Variants in NXPH1 observed in about 807,000 individuals in gnomAD.
The protein encoded by NXPH1 is neurexophilin 1.
NXPH1 carries 5 observed loss-of-function variants against 23.7 expected under a neutral mutation model. The observed-to-expected ratio is 0.21, with a 90% confidence interval of 0.11 to 0.44. NXPH1 has a LOEUF of 0.44. Ranked by LOEUF, NXPH1 falls within the 20% of genes least tolerant of loss-of-function variation. The pLI, the probability that NXPH1 is intolerant of heterozygous loss-of-function variation, is 0.99. For missense variants in NXPH1, 324 were observed against 321.6 expected (o/e 1.01, Z -0.06); for synonymous variants, 144 against 122.2 (o/e 1.18, Z -1.18).
intron 2 of NXPH1, among the ~76,000 whole-genome samples, chr7:8,651,896 G>T (rs1485626483): frequency 6.6e-6 from 1 of 152,094 alleles, no homozygotes; most frequent in Admixed American, 6.6e-5. Flanking sequence ...ATTAATTTTC[G>T]AGAACAAGTA....
At chr7:8,454,894 T>C (rs1816567590) in intron 2 of NXPH1, among the ~76,000 whole-genome samples, 1 of 152,178 alleles carries the variant, frequency 6.6e-6, no homozygotes, top group South Asian at 2.1e-4. Flanking sequence ...ATTATATATA[T>C]GTGCTCATAG....
intron 2 of NXPH1, among the ~76,000 whole-genome samples, chr7:8,639,245 T>C (rs1232256678): frequency 6.6e-6 from 1 of 152,200 alleles, no homozygotes; most frequent in Non-Finnish European, 1.5e-5. Context: ...CAGATCTGTC[T>C]AGAACTATTT....
chr7:8,722,460 G>T (rs1330560155), intron 2 of NXPH1, among the ~76,000 whole-genome samples: 3 of 152,272 alleles, frequency 2.0e-5, no homozygotes, highest in South Asian at 4.1e-4. Flanking sequence ...TCACTGTTCA[G>T]ATAAAAGCCT....
In NXPH1 at chr7:8,442,420, T is replaced by A. The variant is rs908258834; in HGVS notation, c.54+6653T>A. Among the ~76,000 whole-genome samples, 2 of 152,174 alleles carry A rather than the reference T, an allele frequency of 1.3e-5. No homozygotes were observed. The highest frequency in any genetic ancestry group is 4.8e-5 in the African/African-American group (2 of 41,448). On this transcript the variant is annotated intron_variant, in intron 2 of 2. Coordinates refer to ENST00000405863, the MANE Select transcript of NXPH1 (RefSeq NM_152745.3). This position sits in a 1 kb window ranked among gnomAD's most constrained non-coding sequence, Gnocchi z 4.6. ...TCACCCCCGCCGCCCTAATGGATTC[T>A]GAAGCGAAGGATCCTAGCTGCCGCG...
intron 2 of NXPH1, among the ~76,000 whole-genome samples, chr7:8,701,280 T>C (rs1342986597): frequency 6.6e-6 from 1 of 152,028 alleles, no homozygotes; most frequent in Non-Finnish European, 1.5e-5. Context: ...ATCATTTTTC[T>C]CCCATGTTAA....
intron 2 of NXPH1, among the ~76,000 whole-genome samples, chr7:8,696,734 G>A (rs1274367776): frequency 6.6e-6 from 1 of 151,648 alleles, no homozygotes; most frequent in Non-Finnish European, 1.5e-5. Context: ...CCAGCTACTC[G>A]GGAGGCTGAG....
intron 2 of NXPH1, among the ~76,000 whole-genome samples, chr7:8,500,254 C>T (rs1395629399): frequency 6.6e-6 from 1 of 152,060 alleles, no homozygotes; most frequent in Non-Finnish European, 1.5e-5. Flanking sequence ...TCAGCAGCAT[C>T]AATTACCTTT....
intron 2 of NXPH1, among the ~76,000 whole-genome samples, chr7:8,573,083 C>T (rs1818680977): frequency 6.6e-6 from 1 of 150,970 alleles, no homozygotes; most frequent in Non-Finnish European, 1.5e-5. Context: ...CAGTCTTTCT[C>T]TGAGTTTTTT....
intron 2 of NXPH1, among the ~76,000 whole-genome samples, chr7:8,749,206 T>C (rs1377010978): frequency 2.6e-5 from 4 of 152,226 alleles, no homozygotes; most frequent in African/African-American, 9.6e-5. Flanking sequence ...CCTTTCCAAA[T>C]GCCAGCCACT....
At chr7:8,730,700 C>A (rs947178978) in intron 2 of NXPH1, among the ~76,000 whole-genome samples, 12 of 152,196 alleles carry the variant, frequency 7.9e-5, no homozygotes, top group Non-Finnish European at 1.8e-4. Flanking sequence ...GAGTTTCTGC[C>A]GAGAGATCCG....
intron 2 of NXPH1, among the ~76,000 whole-genome samples, chr7:8,484,379 A>C (rs983005484): frequency 1.1e-4 from 17 of 152,122 alleles, no homozygotes; most frequent in African/African-American, 4.1e-4. Context: ...GGTCTACACC[A>C]TCAAGCAGGA....
At chr7:8,535,751 G>A (rs1197435123) in intron 2 of NXPH1, among the ~76,000 whole-genome samples, 1 of 151,790 alleles carries the variant, frequency 6.6e-6, no homozygotes, top group African/African-American at 2.4e-5. Flanking sequence ...AGCAGTTTGT[G>A]GACAAGGTAA....
intron 2 of NXPH1, among the ~76,000 whole-genome samples, chr7:8,509,777 T>C (rs1048547514): frequency 2.6e-5 from 4 of 152,132 alleles, no homozygotes; most frequent in Admixed American, 6.6e-5. Context: ...AGTTAACACA[T>C]GTTCCAACAA....
At chr7:8,738,706 G>A (rs2115225235) in intron 2 of NXPH1, among the ~76,000 whole-genome samples, 1 of 152,294 alleles carries the variant, frequency 6.6e-6, no homozygotes, top group Non-Finnish European at 1.5e-5. Flanking sequence ...ATTTAAGTCT[G>A]CCAAAGCTGT....
intron 2 of NXPH1, among the ~76,000 whole-genome samples, chr7:8,505,276 C>A (rs1817504147): frequency 6.6e-6 from 1 of 151,978 alleles, no homozygotes; most frequent in Non-Finnish European, 1.5e-5. Flanking sequence ...GCTTGGTTTT[C>A]AAAACTTTCC....
At chr7:8,447,445 C>A (rs1410117223) in intron 2 of NXPH1, among the ~76,000 whole-genome samples, 1 of 152,178 alleles carries the variant, frequency 6.6e-6, no homozygotes, top group Non-Finnish European at 1.5e-5. Flanking sequence ...CAGAACATGG[C>A]AGAGTTTTTG....
intron 2 of NXPH1, among the ~76,000 whole-genome samples, chr7:8,533,472 G>A (rs1046568139): frequency 6.6e-6 from 1 of 152,022 alleles, no homozygotes; most frequent in Non-Finnish European, 1.5e-5. Context: ...TGACATATAG[G>A]AAAACTTAGC....
intron 2 of NXPH1, among the ~76,000 whole-genome samples, chr7:8,677,168 A>G (rs1166263148): frequency 1.3e-5 from 2 of 152,204 alleles, no homozygotes; most frequent in African/African-American, 4.8e-5. Flanking sequence ...TAAGGAAACT[A>G]GAATAATTAT....
chr7:8,483,589 G>A (rs767555513), intron 2 of NXPH1, among the ~76,000 whole-genome samples: 11 of 152,062 alleles, frequency 7.2e-5, no homozygotes, highest in Admixed American at 1.3e-4. Context: ...GATTACAGGC[G>A]TGCACCACCA....
Sources: gnomAD v4.1 joint callset for allele counts (sites outside exome capture counted in the v4.1 genomes callset) on GRCh38, gnomAD v4.1.1 for gene constraint, Gnocchi (gnomAD v3.1) non-coding constraint, MANE v1.5 for transcripts, NCBI Gene and HGNC (gene_info 2026-07-23, HGNC 2026-07-21) for gene names.